The following SEC23B variants were observed in gnomAD, a reference collection of about 807,000 sequenced individuals.
SEC23B encodes the protein SEC23 homolog B, COPII component.
Under a neutral mutation model 104.3 loss-of-function variants are expected in SEC23B, and 77 were observed. That is an observed-to-expected ratio of 0.74 (90% CI 0.61 to 0.89). The LOEUF (loss-of-function observed/expected upper bound fraction) is 0.89, where lower values mean the gene tolerates loss of function less well. Ranked by LOEUF, SEC23B falls within the 40% of genes least tolerant of loss-of-function variation. The pLI is 0.00. For missense variants in SEC23B, 885 were observed against 949.4 expected, an observed-to-expected ratio of 0.93 and a Z score of 0.89; for synonymous variants, 338 against 332.5, an observed-to-expected ratio of 1.02 and a Z score of -0.18.
chr20:18,550,121 A>G (rs1036178168), intron 16 of SEC23B, among the ~76,000 whole-genome samples: 12 of 122,508 alleles, frequency 9.8e-5, no homozygotes. Context: ...TATAAATTAT[A>G]TACTTATATA....
At chr20:18,508,025 G>T (rs2059946183) in intron 1 of SEC23B, 53 bp downstream of exon 1, 1 of 152,812 alleles carries the variant, frequency 6.5e-6, no homozygotes, top group African/African-American at 2.4e-5. Flanking sequence ...AGGGCCGAGG[G>T]CACGGGTATG....
chr20:18,560,800 G>T lies in SEC23B; in HGVS notation c.*60G>T, dbSNP rs1283838558. 8.7e-6 allele frequency: 11 copies of T among 1,258,126 alleles called. No homozygotes were observed. The highest frequency in any genetic ancestry group is 1.3e-5 in the Non-Finnish European group (11 of 855,328). The allele number at this position is 1,258,126 out of a possible 1,614,324, so 77.9% of individuals were successfully genotyped here. A position where few individuals can be genotyped will look rare whatever the true frequency, so the allele number is the denominator to read the frequency against. ...GATTGTGTTCAAAATGTCTAGAAAG[G>T]CTTGATAACATTCCTGTTACTTTTC... On this transcript the variant is annotated 3_prime_UTR_variant, in exon 20 of 20. Coordinates refer to ENST00000650089, the MANE Select transcript of SEC23B (RefSeq NM_006363.6).
At chr20:18,526,818 G>A (rs2060138354) in intron 8 of SEC23B, among the ~76,000 whole-genome samples, 2 of 152,190 alleles carry the variant, frequency 1.3e-5, no homozygotes, top group Non-Finnish European at 1.5e-5. Context: ...GGTGGCTCAC[G>A]GCTGTAATCC....
At chr20:18,559,610 C>G (rs1437697484) in intron 19 of SEC23B, among the ~76,000 whole-genome samples, 2 of 152,272 alleles carry the variant, frequency 1.3e-5, no homozygotes, top group Admixed American at 1.3e-4. Flanking sequence ...TGGTTATTAT[C>G]TAAGATTGTT....
chr20:18,513,741 A>T (rs2060001175), intron 3 of SEC23B, among the ~76,000 whole-genome samples: 1 of 152,208 alleles, frequency 6.6e-6, no homozygotes, highest in African/African-American at 2.4e-5. Context: ...TCTTAAAAGC[A>T]TTTCTGCTCC....
At chr20:18,532,423 G>A (rs2148905557) in intron 10 of SEC23B, among the ~76,000 whole-genome samples, 1 of 152,346 alleles carries the variant, frequency 6.6e-6, no homozygotes, top group Admixed American at 6.5e-5. Flanking sequence ...AGTTTAAAAA[G>A]TAAGTTGTGA....
intron 4 of SEC23B, among the ~76,000 whole-genome samples, chr20:18,519,766 G>A (rs1025674198): frequency 6.6e-6 from 1 of 152,180 alleles, no homozygotes; most frequent in African/African-American, 2.4e-5. Context: ...GTAAAACTAG[G>A]TATCCAAAGG....
chr20:18,527,557 G>A lies in SEC23B; in HGVS notation c.1055G>A (p.Cys352Tyr). 1 of 1,613,876 alleles carries A rather than the reference G, an allele frequency of 6.2e-7. No individual in the cohort carries two copies. ...ANGHCIDIYA[C>Y]ALDQTGLLEM... ...GGTCACTGCATTGATATTTATGCTT[G>A]TGCCCTTGATCAAACTGGACTTTTG... Residue 352 changes from cysteine (C) to tyrosine (Y), a missense_variant, in exon 9 of 20, where the codon TGT becomes TAT. Physicochemically the swap from Cys to Tyr is radical, Grantham distance 194 (BLOSUM62 -2). Coordinates refer to ENST00000650089, the MANE Select transcript of SEC23B (RefSeq NM_006363.6).
intron 12 of SEC23B, 92 bp from the exon 13 acceptor site, chr20:18,542,204 T>G: frequency 9.4e-7 from 1 of 1,064,332 alleles, no homozygotes; most frequent in East Asian, 2.4e-5. Flanking sequence ...CTGTCATTGC[T>G]GTGTCAGTCA....
At chr20:18,523,896 T>TG (rs2060109472) in intron 4 of SEC23B, among the ~76,000 whole-genome samples, 3 of 152,240 alleles carry the variant, frequency 2.0e-5, no homozygotes, top group Admixed American at 2.0e-4. Flanking sequence ...TATTTTTTTT[T>TG]GTTAGAGACG....
rs1268103409 is a variant in SEC23B at position 18,524,447 on chromosome 20, C to T, written c.381C>T (p.Ser127=). 1 of 1,613,638 alleles carries T rather than the reference C, an allele frequency of 6.2e-7. No individual in the cohort carries two copies. The highest frequency in any genetic ancestry group is 8.5e-7 in the Non-Finnish European group (1 of 1,179,770). Residue 127 remains serine, a synonymous_variant, in exon 5 of 20, where the codon TCC becomes TCT. Transcript: ENST00000650089. ...IEYVIQRGAQ[S]PLIFLYVVDT... ...TTTGCCCAAAGCGAGGTGCTCAGTC[C>T]CCTCTGATCTTTCTCTATGTGGTTG...
chr20:18,555,996 T>G (rs2122180627), intron 19 of SEC23B, among the ~76,000 whole-genome samples: 1 of 151,078 alleles, frequency 6.6e-6, no homozygotes, highest in East Asian at 1.9e-4. Context: ...CGGGAGACGG[T>G]GACAGATCAT....
At chr20:18,555,917 C>T (rs1209001322) in intron 19 of SEC23B, among the ~76,000 whole-genome samples, 1 of 151,664 alleles carries the variant, frequency 6.6e-6, no homozygotes, top group Non-Finnish European at 1.5e-5. Flanking sequence ...GTACAACTCA[C>T]CATAATGTAG....
At chr20:18,552,730 C>T (rs1371823645) in intron 17 of SEC23B, among the ~76,000 whole-genome samples, 1 of 152,062 alleles carries the variant, frequency 6.6e-6, no homozygotes, top group Non-Finnish European at 1.5e-5. Context: ...AGGAGAATCG[C>T]TTGAACTCAG....
intron 11 of SEC23B, among the ~76,000 whole-genome samples, chr20:18,533,091 C>T (rs905461377): frequency 2.0e-5 from 3 of 152,194 alleles, no homozygotes; most frequent in East Asian, 3.9e-4. Flanking sequence ...CAGCACAGTC[C>T]TTCCAGAGTA....
chr20:18,523,058 C>T (rs1479978149), intron 4 of SEC23B, among the ~76,000 whole-genome samples: 2 of 132,454 alleles, frequency 1.5e-5, no homozygotes, highest in Non-Finnish European at 3.4e-5. Flanking sequence ...CAGAGCGAGA[C>T]TCCGTCTCAA....
chr20:18,545,350 T>G (rs2060322715), intron 14 of SEC23B, among the ~76,000 whole-genome samples: 1 of 152,160 alleles, frequency 6.6e-6, no homozygotes, highest in African/African-American at 2.4e-5. Flanking sequence ...GGAGAAAGTT[T>G]CGAGACATTT....
rs761424294 is a variant in SEC23B at position 18,512,259 on chromosome 20, A to G, written c.256A>G (p.Asn86Asp). ...VDYRAKLWAC[N>D]FCFQRNQFPP... Reference sequence around the variant, plus strand: ...TTATCGAGCAAAACTTTGGGCCTGTAATTTCTGTTTTCAAAGAAATCAGGT... The same window carrying G: ...TTATCGAGCAAAACTTTGGGCCTGTGATTTCTGTTTTCAAAGAAATCAGGT... The change falls in exon 3 of 20, where the codon AAT becomes GAT. Residue 86 changes from asparagine to aspartate, a missense_variant. By Grantham distance (23) the Asn-to-Asp change is conservative. Coordinates refer to ENST00000650089, the MANE Select transcript of SEC23B (RefSeq NM_006363.6). 1.1e-5 allele frequency: 18 copies of G among 1,592,828 alleles called. No homozygotes were observed. The highest frequency in any genetic ancestry group is 1.5e-5 in the Non-Finnish European group (17 of 1,163,300).
rs1185735907 is a variant in SEC23B at position 18,555,175 on chromosome 20, T to C, written c.2214+2T>C. ...AATAACCTGTATGCTTGGGGACAGG[T>C]AAGAAATCTTCAGGTATTTGGGGAG... On this transcript the variant is annotated splice_donor_variant, in intron 19 of 19. Transcript: ENST00000650089. LOFTEE classifies it high-confidence loss of function. 6.2e-7 allele frequency: 1 copy of C among 1,611,764 alleles called. No homozygotes were observed. Among genetic ancestry groups the C allele is most frequent in the Non-Finnish European group, 8.5e-7 (1 of 1,177,934 alleles).
Sources: gnomAD v4.1 joint callset for allele counts (sites outside exome capture counted in the v4.1 genomes callset) on GRCh38, gnomAD v4.1.1 for gene constraint, MANE v1.5 for transcripts, NCBI Gene and HGNC (gene_info 2026-07-23, HGNC 2026-07-21) for gene names.